NAALADL2: variants seen among roughly 807,000 people sequenced by gnomAD.
The protein encoded by NAALADL2 is inactive N-acetylated-alpha-linked acidic dipeptidase-like protein 2.
NAALADL2 carries 76 observed loss-of-function variants against 87.2 expected under a neutral mutation model. The observed-to-expected ratio is 0.87, with a 90% CI of 0.72 to 1.05. NAALADL2 has a LOEUF of 1.05. Among genes scored for constraint, NAALADL2 ranks in the 50% least tolerant of loss-of-function variants. NAALADL2 has a pLI of 0.00. For missense variants in NAALADL2, 1,089 were observed against 945.8 expected, an observed-to-expected ratio of 1.15 and a Z score of -1.99; for synonymous variants, 354 against 331.0, an observed-to-expected ratio of 1.07 and a Z score of -0.75.
intron 12 of NAALADL2, among the ~76,000 whole-genome samples, chr3:175,743,014 A>G (rs995176070): frequency 6.7e-5 from 10 of 148,332 alleles, no homozygotes; most frequent in Non-Finnish European, 4.5e-5. Context: ...TTTTTTTTTC[A>G]GACGGAGTTT....
intron 9 of NAALADL2, among the ~76,000 whole-genome samples, chr3:175,557,725 C>G (rs1715521945): frequency 6.6e-6 from 1 of 152,112 alleles, no homozygotes; most frequent in Non-Finnish European, 1.5e-5. Context: ...TTGTTTGGTT[C>G]CCATTTCTCC....
At chr3:174,719,043 C>G (rs1276234281) in intron 2 of NAALADL2, among the ~76,000 whole-genome samples, 1 of 152,094 alleles carries the variant, frequency 6.6e-6, no homozygotes, top group Non-Finnish European at 1.5e-5. Flanking sequence ...TGTTATCACT[C>G]CATAGACTGT....
intron 1 of NAALADL2, among the ~76,000 whole-genome samples, chr3:174,905,583 A>T (rs971372472): frequency 6.6e-6 from 1 of 152,084 alleles, no homozygotes; most frequent in Admixed American, 6.6e-5. Context: ...CATGTAACTC[A>T]AATATGTAAT....
intron 2 of NAALADL2, among the ~76,000 whole-genome samples, chr3:174,644,533 A>G (rs1486231754): frequency 1.3e-5 from 2 of 152,050 alleles, no homozygotes; most frequent in Non-Finnish European, 2.9e-5. Context: ...GATTTAAACC[A>G]TGTAGTTTAA....
At chr3:174,808,516 G>T (rs1413839645) in intron 3 of NAALADL2, among the ~76,000 whole-genome samples, 1 of 152,076 alleles carries the variant, frequency 6.6e-6, no homozygotes, top group Non-Finnish European at 1.5e-5. Context: ...TTGCATCATA[G>T]ACATGGTAAA....
chr3:175,257,371 G>GTTT (rs147239726), intron 4 of NAALADL2, among the ~76,000 whole-genome samples: 8 of 147,980 alleles, frequency 5.4e-5, no homozygotes, highest in South Asian at 4.3e-4. Flanking sequence ...TCCTATGTCT[G>GTTT]TTTTTTTTTT....
In NAALADL2 at chr3:174,582,944, T is replaced by G. The variant is rs572017936; in HGVS notation, c.-115+32307T>G. ...TTGTAGTTTTTTAAACTTGATATTTTAAGAGATGAAAAAGGAAATGTCTAA... is the reference window on the plus strand; with the variant it reads ...TTGTAGTTTTTTAAACTTGATATTTGAAGAGATGAAAAAGGAAATGTCTAA... On this transcript the variant is annotated intron_variant, in intron 2 of 3. Transcript: ENST00000434257. Among the ~76,000 whole-genome samples, 8 of 152,264 alleles carry G rather than the reference T, an allele frequency of 5.3e-5. No individual in the cohort carries two copies. In the South Asian group the frequency reaches 1.2e-3, roughly 24 times the overall value.
At chr3:175,041,227 G>T (rs1406614319) in intron 1 of NAALADL2, among the ~76,000 whole-genome samples, 1 of 151,970 alleles carries the variant, frequency 6.6e-6, no homozygotes, top group Admixed American at 6.6e-5. Context: ...CTTCTTCAAG[G>T]TTCTTAAAAA....
At chr3:174,962,351 C>A (rs2108562206) in intron 1 of NAALADL2, among the ~76,000 whole-genome samples, 1 of 65,226 alleles carries the variant, frequency 1.5e-5, no homozygotes, top group East Asian at 2.7e-4. Context: ...TAATGGCATT[C>A]ATTGTCATAG....
chr3:175,214,626 C>T (rs541130848), intron 2 of NAALADL2, among the ~76,000 whole-genome samples: 2 of 152,052 alleles, frequency 1.3e-5, no homozygotes, highest in Non-Finnish European at 2.9e-5. Flanking sequence ...CTTATAGAGT[C>T]TTCTACAGAC....
At chr3:175,105,641 AG>A (rs1722996605) in intron 2 of NAALADL2, among the ~76,000 whole-genome samples, 1 of 75,800 alleles carries the variant, frequency 1.3e-5, no homozygotes, top group Non-Finnish European at 2.5e-5. Flanking sequence ...GAATACACAC[AG>A]ACACACACAC....
At chr3:174,987,648 G>A (rs1048044538) in intron 1 of NAALADL2, among the ~76,000 whole-genome samples, 8 of 137,004 alleles carry the variant, frequency 5.8e-5, no homozygotes, top group Non-Finnish European at 1.1e-4. Context: ...TGAAGTTATA[G>A]ACAGGGTGTC....
At chr3:175,032,203 A>G (rs1752874748) in intron 1 of NAALADL2, among the ~76,000 whole-genome samples, 1 of 151,982 alleles carries the variant, frequency 6.6e-6, no homozygotes, top group Admixed American at 6.6e-5. Context: ...TGATGTCCAG[A>G]TGGGTATTTC....
intron 5 of NAALADL2, among the ~76,000 whole-genome samples, chr3:175,438,173 A>T (rs988397878): frequency 6.6e-6 from 1 of 152,136 alleles, no homozygotes; most frequent in Non-Finnish European, 1.5e-5. Context: ...AATGCATAGC[A>T]CAAAGCATTT....
At chr3:174,810,143 A>G (rs1720004577) in intron 3 of NAALADL2, among the ~76,000 whole-genome samples, 1 of 152,178 alleles carries the variant, frequency 6.6e-6, no homozygotes, top group Non-Finnish European at 1.5e-5. Flanking sequence ...TTCCTTTATA[A>G]CAGTGCAAGA....
intron 2 of NAALADL2, among the ~76,000 whole-genome samples, chr3:175,170,432 TTA>T (rs1004615471): frequency 6.8e-6 from 1 of 147,052 alleles, no homozygotes; most frequent in African/African-American, 2.5e-5. Flanking sequence ...GAGTTAAAAT[TTA>T]TATATATAAA....
chr3:175,543,929 A>G (rs1304177164), intron 9 of NAALADL2, among the ~76,000 whole-genome samples: 1 of 152,226 alleles, frequency 6.6e-6, no homozygotes, highest in Non-Finnish European at 1.5e-5. Context: ...AGGAGGTCTT[A>G]GCTGACATAC....
At chr3:175,706,105 G>A (rs1478700025) in intron 11 of NAALADL2, among the ~76,000 whole-genome samples, 1 of 152,098 alleles carries the variant, frequency 6.6e-6, no homozygotes, top group Non-Finnish European at 1.5e-5. Context: ...GCATGAAGAA[G>A]AAACAAGGAG....
chr3:175,694,810 C>T (rs112690584), intron 11 of NAALADL2, among the ~76,000 whole-genome samples: 27 of 152,160 alleles, frequency 1.8e-4, no homozygotes, highest in African/African-American at 5.8e-4. Context: ...TTCAGTCTCC[C>T]TGTTCAACTA....
Sources: gnomAD v4.1 joint callset for allele counts (sites outside exome capture counted in the v4.1 genomes callset) on GRCh38, gnomAD v4.1.1 for gene constraint, MANE v1.5 for transcripts, NCBI Gene and HGNC (gene_info 2026-07-23, HGNC 2026-07-21) for gene names.